Variants in KIF1B observed in about 807,000 individuals in gnomAD.
The protein encoded by KIF1B is kinesin-like protein KIF1B.
KIF1B carries 76 observed loss-of-function variants against 241.9 expected under a neutral mutation model. The ratio of observed to expected loss-of-function variants is 0.31; its 90% confidence interval spans 0.26 to 0.38. The LOEUF (loss-of-function observed/expected upper bound fraction) is 0.38. KIF1B is among the 10% of genes least tolerant of loss of function. The pLI is 1.00. For missense variants in KIF1B, 1,622 were observed against 2,271.4 expected, an observed-to-expected ratio of 0.71 and a Z score of 5.81; for synonymous variants, 750 against 796.7, an observed-to-expected ratio of 0.94 and a Z score of 0.99.
intron 2 of KIF1B, among the ~76,000 whole-genome samples, chr1:10,252,723 T>C (rs1647533556): frequency 6.6e-6 from 1 of 151,040 alleles, no homozygotes; most frequent in Non-Finnish European, 1.5e-5. Flanking sequence ...TAAAGACAGT[T>C]TTTTTTTGTT....
At chr1:10,359,904 G>C (rs560049562) in intron 38 of KIF1B, among the ~76,000 whole-genome samples, 1 of 151,962 alleles carries the variant, frequency 6.6e-6, no homozygotes, top group Admixed American at 6.6e-5. Flanking sequence ...GTAGTGGTGC[G>C]TGCCTATAAT....
At position 10,352,633 on chromosome 1, in the gene KIF1B, C is replaced by T. The variant is rs776039242; in HGVS notation, c.3952C>T (p.Arg1318Cys). The change falls in exon 38 of 49, where the codon CGT becomes TGT. Residue 1318 changes from arginine to cysteine, a missense_variant and splice_region_variant. Around this residue, in one of 7 missense-constraint regions of KIF1B, gnomAD observed 803 missense variants for 1,112.0 expected, o/e 0.72. Coordinates refer to ENST00000676179, the MANE Select transcript of KIF1B (RefSeq NM_001365951.3). ...GTTTTTTTTATCCTTTCTTTTAGGTCGTATTCGGAATAAGCCTGAGGTGGA... is the reference window on the plus strand; with the variant it reads ...GTTTTTTTTATCCTTTCTTTTAGGTTGTATTCGGAATAAGCCTGAGGTGGA... Reference protein sequence around the residue: ...WKDVRELVVGRIRNKPEVDEA... With the variant: ...WKDVRELVVGCIRNKPEVDEA... 5.6e-6 allele frequency: 9 copies of T among 1,611,584 alleles called. No individual in the cohort carries two copies. Among genetic ancestry groups the T allele is most frequent in the Middle Eastern group, 1.7e-4 (1 of 6,048 alleles).
rs1651673591 is a variant in KIF1B at position 10,324,971 on chromosome 1, A to G, written c.2675+76A>G. On this transcript the variant is annotated intron_variant, in intron 26 of 48. Transcript: ENST00000676179. ...AGTGTTTAAAACCTGAGCAGATAAT[A>G]TAAAAAGTTAAGAGGAAAAAAAAAG... The G allele has an allele frequency of 1.5e-5, 23 of 1,563,326 alleles. 1 individual carries two copies. The South Asian group carries it at 1.9e-4, about 13-fold the overall frequency.
At chr1:10,298,763 G>A (rs956800119) in intron 22 of KIF1B, among the ~76,000 whole-genome samples, 2 of 152,026 alleles carry the variant, frequency 1.3e-5, no homozygotes, top group African/African-American at 4.8e-5. Context: ...TTTACAGAGA[G>A]CGTTAACATC....
Position 10,223,550 on chromosome 1 carries a change from T to G in KIF1B, c.-79-8700T>G, listed in dbSNP as rs530905698. On this transcript the variant is annotated intron_variant, in intron 1 of 48. Transcript: ENST00000676179. ...TTTTTTTTTTTGTTTTGTTTTGTTT[T>G]TTTTTTTTTTTTTTTTAGACGGAGT... 4.9e-4 allele frequency among the ~76,000 whole-genome samples: 74 copies of G among 150,010 alleles called. 2 individuals are homozygous for G. The South Asian group carries it at 0.014, about 29-fold the overall frequency.
chr1:10,286,173 G>A (rs546314623), intron 15 of KIF1B, among the ~76,000 whole-genome samples: 1 of 152,226 alleles, frequency 6.6e-6, no homozygotes, highest in African/African-American at 2.4e-5. Context: ...CTGAGAAGCT[G>A]GGATTACAGG....
intron 1 of KIF1B, among the ~76,000 whole-genome samples, chr1:10,216,957 CTTTTTTTTTTTTTTTTTTTTTTT>C (rs70998362): frequency 5.5e-5 from 3 of 54,504 alleles, no homozygotes; most frequent in Non-Finnish European, 9.9e-5. Flanking sequence ...TGCCCATTTT[CTTTTTTTTTTTTTTTTTTTTTTT>C]TTTTTTTTTT....
rs114540050 is a variant in KIF1B at position 10,281,701 on chromosome 1, C to G, written c.1223-621C>G. On this transcript the variant is annotated intron_variant, in intron 14 of 48. Transcript: ENST00000676179. Reference sequence around the variant, plus strand: ...TTTTAACCAGGACTTATACAAAATTCCTCTCATTTCTATAATTACCCCTTT... The same window carrying G: ...TTTTAACCAGGACTTATACAAAATTGCTCTCATTTCTATAATTACCCCTTT... 9.0e-3 allele frequency among the ~76,000 whole-genome samples: 1,374 copies of G among 152,214 alleles called. 23 individuals are homozygous for G. Among genetic ancestry groups the G allele is most frequent in the African/African-American group, 0.031 (1,291 of 41,520 alleles).
At position 10,374,218 on chromosome 1, in the gene KIF1B, G is replaced by A. The variant is rs769663252; in HGVS notation, c.4947-98G>A. 8 of 1,287,316 alleles carry A rather than the reference G, an allele frequency of 6.2e-6. No individual in the cohort carries two copies. The highest frequency in any genetic ancestry group is 6.8e-6 in the Non-Finnish European group (6 of 884,950). The allele number at this position is 1,287,316 out of a possible 1,614,324, so 79.7% of individuals were successfully genotyped here. On this transcript the variant is annotated intron_variant, in intron 45 of 48. Coordinates refer to ENST00000676179, the MANE Select transcript of KIF1B (RefSeq NM_001365951.3). This position sits in a 1 kb window ranked among gnomAD's most constrained non-coding sequence, Gnocchi z 4.3. Reference sequence around the variant, plus strand: ...CAAGTTTGCAGCTGGGGTTTAGGGAGGGCCATTGTGTTCCTCCCAGTGAAA... The same window carrying A: ...CAAGTTTGCAGCTGGGGTTTAGGGAAGGCCATTGTGTTCCTCCCAGTGAAA...
chr1:10,249,244 T>C (rs964747913), intron 2 of KIF1B, among the ~76,000 whole-genome samples: 4 of 152,180 alleles, frequency 2.6e-5, no homozygotes, highest in Non-Finnish European at 5.9e-5. Context: ...AAATTAGAAG[T>C]CCAACACACT....
rs765236286 is a variant in KIF1B, at chr1:10,315,171, C to CTT, written c.2116-4847_2116-4846dup. On this transcript the variant is annotated intron_variant, in intron 22 of 48. Coordinates refer to ENST00000676179, the MANE Select transcript of KIF1B (RefSeq NM_001365951.3). ...CTTATCTCTTAAAATCAAGAATATTCTTTTTTTTTTTTTTTTTTTTTTTTT... is the reference window on the plus strand; with the variant it reads ...CTTATCTCTTAAAATCAAGAATATTCTTTTTTTTTTTTTTTTTTTTTTTTTTT... 7.2e-3 allele frequency among the ~76,000 whole-genome samples: 576 copies of CTT among 80,026 alleles called. 63 individuals are homozygous for CTT. The highest frequency in any genetic ancestry group is 0.023 in the African/African-American group (440 of 19,114). 52.5% of individuals were successfully genotyped at this position (80,026 alleles called of 152,430 possible). A position where few individuals can be genotyped will look rare whatever the true frequency, so the allele number is the denominator to read the frequency against.
intron 10 of KIF1B, chr1:10,274,966 T>G (rs1206849953): frequency 2.7e-6 from 1 of 364,804 alleles, no homozygotes; most frequent in South Asian, 2.0e-5. Context: ...AATAGTATTG[T>G]GTTGATGTTT....
intron 40 of KIF1B, among the ~76,000 whole-genome samples, chr1:10,362,752 A>G (rs960864847): frequency 2.0e-5 from 3 of 152,036 alleles, no homozygotes; most frequent in Non-Finnish European, 2.9e-5. Flanking sequence ...AATTTTATTC[A>G]CCCTATTGAA....
chr1:10,336,765 G>A, intron 29 of KIF1B, 23 bp downstream of exon 29: 1 of 1,576,478 alleles, frequency 6.3e-7, no homozygotes, highest in Middle Eastern at 1.7e-4. Flanking sequence ...CAGGAAGAAG[G>A]AAAACCCTGT....
At position 10,379,032 on chromosome 1, in the gene KIF1B, C is replaced by A. The variant is rs1638958579; in HGVS notation, c.*2445C>A. The A allele has an allele frequency of 8.7e-6, 2 of 231,132 alleles. No individual in the cohort carries two copies. The highest frequency in any genetic ancestry group is 8.6e-6 in the Non-Finnish European group (1 of 116,680). The allele number at this position is 231,132 out of a possible 1,614,324, so 14.3% of individuals were successfully genotyped here. ...CCGGTTCTATTCAAACCAGCAGGAT[C>A]TGTCGGTGCTTAGAGATGGCTGCCT... is the stretch of plus-strand genomic sequence containing the variant. On this transcript the variant is annotated 3_prime_UTR_variant, in exon 49 of 49. Transcript: ENST00000676179.
chr1:10,362,644 T>C (rs1569901495), intron 40 of KIF1B, among the ~76,000 whole-genome samples: 1 of 152,308 alleles, frequency 6.6e-6, no homozygotes, highest in African/African-American at 2.4e-5. Flanking sequence ...TATCATTTCA[T>C]TCTAGTCATT....
At chr1:10,301,582 C>A (rs917253376) in intron 22 of KIF1B, among the ~76,000 whole-genome samples, 6 of 152,058 alleles carry the variant, frequency 3.9e-5, no homozygotes, top group Non-Finnish European at 8.8e-5. Context: ...AGGAGAATTA[C>A]TTGAACCCAA....
chr1:10,319,236 G>C (rs531429550), intron 22 of KIF1B, among the ~76,000 whole-genome samples: 29 of 151,906 alleles, frequency 1.9e-4, no homozygotes, highest in Admixed American at 9.2e-4. Flanking sequence ...CAAGTAGCTG[G>C]GATTATAGGC....
At chr1:10,212,866 A>ATATG (rs1200764975) in intron 1 of KIF1B, among the ~76,000 whole-genome samples, 8 of 141,348 alleles carry the variant, frequency 5.7e-5, no homozygotes, top group African/African-American at 2.1e-4. Context: ...GTATATATAT[A>ATATG]TGTGTGTGTG....
Sources: gnomAD v4.1 joint callset for allele counts (sites outside exome capture counted in the v4.1 genomes callset) on GRCh38, gnomAD v4.1.1 for gene constraint, gnomAD v4.1.1 regional missense constraint, Gnocchi (gnomAD v3.1) non-coding constraint, MANE v1.5 for transcripts, NCBI Gene and HGNC (gene_info 2026-07-23, HGNC 2026-07-21) for gene names.